PAX4: variants seen among roughly 807,000 people sequenced by gnomAD.
The protein encoded by PAX4 is paired box protein Pax-4.
A neutral mutation model predicts 40.6 loss-of-function variants in PAX4; 33 were observed. The observed-to-expected ratio is 0.81, with a 90% confidence interval of 0.62 to 1.09. PAX4 has a LOEUF of 1.09. PAX4 is among the 50% of genes least tolerant of loss of function. The pLI is 0.00. For synonymous variants in PAX4, 174 were observed against 170.6 expected (o/e 1.02, Z -0.16); for missense variants, 459 against 442.5 (o/e 1.04, Z -0.33).
chr7:127,615,153 GT>G, intron 4 of PAX4, 58 bp from the exon 5 acceptor site: 1 of 1,613,218 alleles, frequency 6.2e-7, no homozygotes. Flanking sequence ...GAAGGAGAGT[GT>G]CCCTGGGACA....
intron 8 of PAX4, 28 bp downstream of exon 8, chr7:127,613,422 T>C (rs769610651): frequency 1.2e-6 from 2 of 1,608,082 alleles, no homozygotes; most frequent in South Asian, 1.1e-5. Context: ...CTCCTTGTGG[T>C]TTGTACAGTG....
In PAX4 at chr7:127,615,008, G is replaced by A. The variant is rs531729557; in HGVS notation, c.232C>T (p.Arg78Trp). 87 of 1,614,204 alleles carry A rather than the reference G, an allele frequency of 5.4e-5. 1 individual carries two copies. Among genetic ancestry groups the A allele is most frequent in the South Asian group, 3.2e-4 (29 of 91,086 alleles). ...GCCACCACAGGGGGTGTAGCCAGCC[G>A]TGGCTTGCTTCCCCCAATGCCCTTT... ...EPKGIGGSKP[R>W]LATPPVVARI... The change falls in exon 5 of 12, where the codon CGG (arginine) becomes TGG (tryptophan). Residue 78 changes from arginine (R) to tryptophan (W), a missense_variant. By Grantham distance (101) the Arg-to-Trp change is moderately radical. Coordinates refer to ENST00000639438, the MANE Select transcript of PAX4 (RefSeq NM_001366110.1).
chr7:127,613,290 A>G (rs1289544377), intron 8 of PAX4, among the ~76,000 whole-genome samples, 160 bp downstream of exon 8: 1 of 152,208 alleles, frequency 6.6e-6, no homozygotes, highest in Non-Finnish European at 1.5e-5. Flanking sequence ...GAGAGCAGTC[A>G]GCAGAAGGTG....
chr7:127,618,081 A>C lies in PAX4; in HGVS notation c.-345T>G, dbSNP rs1794746401. 1.3e-5 allele frequency: 2 copies of C among 152,396 alleles called. No homozygotes were observed. The highest frequency in any genetic ancestry group is 2.9e-5 in the Non-Finnish European group (2 of 68,196). 9.4% of individuals were successfully genotyped at this position (152,396 alleles called of 1,614,324 possible). A position where few individuals can be genotyped will look rare whatever the true frequency, so the allele number is the denominator to read the frequency against. ...ACAGCCTCCACTCTGCTCCTGCTTC[A>C]GTCCTGCCAGGGGGTCCAGAGCTAT... On this transcript the variant is annotated 5_prime_UTR_variant, in exon 1 of 12. Transcript: ENST00000639438.
At chr7:127,613,139 G>A in intron 8 of PAX4, 48 bp from the exon 9 acceptor site, 1 of 1,420,944 alleles carries the variant, frequency 7.0e-7, no homozygotes, top group Non-Finnish European at 9.9e-7. Flanking sequence ...TATGCTGCCT[G>A]TCACCTGCTG....
At position 127,614,730 on chromosome 7, in the gene PAX4, C is replaced by T. The variant is rs2233577; in HGVS notation, c.360+150G>A. On this transcript the variant is annotated intron_variant, in intron 5 of 11. Transcript: ENST00000639438. ...CTCCTTCCCAATCCTCTTATTACCA[C>T]CACTTTTCAAAAGAAAAACTTATGG... is the stretch of plus-strand genomic sequence containing the variant. 1.2e-3 allele frequency: 1,456 copies of T among 1,230,848 alleles called. 15 individuals are homozygous for T. The African/African-American group carries it at 0.02, about 17-fold the overall frequency. 76.2% of individuals were successfully genotyped at this position (1,230,848 alleles called of 1,614,324 possible).
At chr7:127,616,144 G>A in intron 2 of PAX4, 117 bp from the exon 3 acceptor site, 1 of 578,778 alleles carries the variant, frequency 1.7e-6, no homozygotes, top group Non-Finnish European at 3.0e-6. Flanking sequence ...GCTAAAATCA[G>A]AAAATTCTAA....
intron 10 of PAX4, 104 bp downstream of exon 10, chr7:127,611,841 G>T (rs532608733): frequency 6.3e-6 from 10 of 1,596,208 alleles, no homozygotes; most frequent in Non-Finnish European, 8.5e-6. Context: ...CATGAACACT[G>T]TGGGGCCCTG....
intron 9 of PAX4, 39 bp downstream of exon 9, chr7:127,612,983 G>A: frequency 1.4e-6 from 2 of 1,460,386 alleles, no homozygotes; most frequent in Non-Finnish European, 1.9e-6. Context: ...ATGGATAGAT[G>A]ACTGAGCGGG....
chr7:127,614,677 C>G (rs1009599098), intron 5 of PAX4, 120 bp from the exon 6 acceptor site: 6 of 1,112,464 alleles, frequency 5.4e-6, no homozygotes, highest in Non-Finnish European at 8.0e-6. Context: ...TTCCCAAGGG[C>G]AGCCTCCTCT....
At position 127,610,694 on chromosome 7, in the gene PAX4, G is replaced by A; in HGVS notation, c.*370C>T. On this transcript the variant is annotated 3_prime_UTR_variant, in exon 12 of 12. Transcript: ENST00000639438. ...GCCTACATACATGCATAGATTAGAT[G>A]GTAGATACATAGATGTAAATAAATG... The A allele has an allele frequency of 1.6e-6, 1 of 616,796 alleles. No homozygotes were observed. The highest frequency in any genetic ancestry group is 2.7e-5 in the East Asian group (1 of 36,478). The allele number at this position is 616,796 out of a possible 1,614,324, so 38.2% of individuals were successfully genotyped here.
intron 3 of PAX4, 31 bp downstream of exon 3, chr7:127,615,885 C>A: frequency 6.5e-7 from 1 of 1,536,060 alleles, no homozygotes; most frequent in South Asian, 1.2e-5. Context: ...TGTTGTCCTC[C>A]CTGTCTTCCC....
chr7:127,611,883 T>C, intron 10 of PAX4, 62 bp downstream of exon 10: 1 of 1,610,158 alleles, frequency 6.2e-7, no homozygotes, highest in Non-Finnish European at 8.5e-7. Context: ...AGGCCAGAAA[T>C]GGAAGAGCCC....
At chr7:127,612,690 A>G (rs1416819010) in intron 9 of PAX4, among the ~76,000 whole-genome samples, 1 of 136,972 alleles carries the variant, frequency 7.3e-6, no homozygotes, top group Non-Finnish European at 1.6e-5. Flanking sequence ...TGCCTGGATG[A>G]ATGGATGGAT....
At position 127,611,199 on chromosome 7, in the gene PAX4, C is replaced by T. The variant is rs1435585257; in HGVS notation, c.921G>A (p.Leu307=). 1 of 1,598,652 alleles carries T rather than the reference C, an allele frequency of 6.3e-7. No individual in the cohort carries two copies. The change falls in exon 12 of 12, where the codon TTG becomes TTA. Residue 307 remains leucine, a synonymous_variant. Coordinates refer to ENST00000639438, the MANE Select transcript of PAX4 (RefSeq NM_001366110.1). ...AGTCCAGGGAATTCGGCTGTGGGGG[C>T]AAGTGGCCTGTGGGGACAAATAGAG... The part of the protein sequence containing the change: ...KACLKPCWGH[L]PPQPNSLDSG...
rs1794626832 is a variant in PAX4, at chr7:127,611,638, G to A, written c.810C>T (p.Ala270=). The A allele has an allele frequency of 6.2e-7, 1 of 1,613,596 alleles. No homozygotes were observed. Among genetic ancestry groups the A allele is most frequent in the Non-Finnish European group, 8.5e-7 (1 of 1,179,964 alleles). ...PGSVPTAALP[A]LEPLGPSCYQ... ...AGCAGGAGGGACCCAGTGGTTCCAGGGCAGGCAGGGCTGCTGTGGGCACAC... is the reference window on the plus strand; with the variant it reads ...AGCAGGAGGGACCCAGTGGTTCCAGAGCAGGCAGGGCTGCTGTGGGCACAC... The change falls in exon 11 of 12, where the codon GCC becomes GCT. Residue 270 remains alanine (A), a synonymous_variant. Transcript: ENST00000639438.
At chr7:127,616,380 C>G (rs530313929) in intron 2 of PAX4, among the ~76,000 whole-genome samples, 1 of 152,190 alleles carries the variant, frequency 6.6e-6, no homozygotes, top group African/African-American at 2.4e-5. Context: ...GCTCCTAAGC[C>G]TTCTCAGCCC....
chr7:127,615,268 G>C, intron 4 of PAX4, 133 bp downstream of exon 4: 2 of 1,601,208 alleles, frequency 1.2e-6, no homozygotes, highest in Non-Finnish European at 1.7e-6. Flanking sequence ...CAACCTCCGA[G>C]AGGATCTCCC....
Position 127,611,642 on chromosome 7 carries a change from G to C in PAX4, c.806C>G (p.Pro269Arg), listed in dbSNP as rs1794626930. 6.2e-7 allele frequency: 1 copy of C among 1,613,538 alleles called. No individual in the cohort carries two copies. Among genetic ancestry groups the C allele is most frequent in the South Asian group, 1.1e-5 (1 of 91,068 alleles). The change falls in exon 11 of 12, where the codon CCT (proline) becomes CGT (arginine). Residue 269 changes from proline to arginine, a missense_variant. Transcript: ENST00000639438. ...GGAGGGACCCAGTGGTTCCAGGGCA[G>C]GCAGGGCTGCTGTGGGCACACTGCC... ...SPGSVPTAAL[P>R]ALEPLGPSCY...
Sources: gnomAD v4.1 joint callset for allele counts (sites outside exome capture counted in the v4.1 genomes callset) on GRCh38, gnomAD v4.1.1 for gene constraint, MANE v1.5 for transcripts, NCBI Gene and HGNC (gene_info 2026-07-23, HGNC 2026-07-21) for gene names.